The following TLCD4 variants were observed in gnomAD, a reference collection of about 807,000 sequenced individuals.
The protein encoded by TLCD4 is TLC domain-containing protein 4.
In TLCD4, 7 loss-of-function variants were observed where a neutral mutation model predicts 24.2. The observed-to-expected ratio is 0.29, with a 90% CI of 0.16 to 0.54. The LOEUF is 0.54. Among genes scored for constraint, TLCD4 ranks in the 20% least tolerant of loss-of-function variants. The pLI is 0.95. For missense variants in TLCD4, 259 were observed against 313.9 expected (o/e 0.82, Z 1.32); for synonymous variants, 103 against 106.4 (o/e 0.97, Z 0.20).
intron 1 of TLCD4, among the ~76,000 whole-genome samples, chr1:95,128,907 G>A (rs1258503492): frequency 1.3e-5 from 2 of 152,224 alleles, no homozygotes; most frequent in African/African-American, 4.8e-5. Context: ...TTAGATTAAA[G>A]AAATGTGTAG....
At position 95,128,219 on chromosome 1, in the gene TLCD4, T is replaced by A. The variant is rs149608102; in HGVS notation, c.-12+10602T>A. 1.6e-4 allele frequency among the ~76,000 whole-genome samples: 25 copies of A among 152,180 alleles called. No individual in the cohort carries two copies. The East Asian group carries it at 4.8e-3, about 29-fold the overall frequency. ...CCTAAGGGTAGAATTCTTCAATAAG[T>A]TTGGAGTTGAGAAGCAGAGGAGCTG... On this transcript the variant is annotated intron_variant, in intron 1 of 6. Transcript: ENST00000370203.
chr1:95,110,147 A>G, the TLCD4 span, among the ~76,000 whole-genome samples: 3 of 151,076 alleles, frequency 2.0e-5, no homozygotes, highest in African/African-American at 7.3e-5. Context: ...ATTTCACTTG[A>G]TTTATAGGTA....
At chr1:95,168,504 T>A (rs918901236) in intron 5 of TLCD4, among the ~76,000 whole-genome samples, 2 of 151,586 alleles carry the variant, frequency 1.3e-5, no homozygotes, top group Non-Finnish European at 1.5e-5. Context: ...TTTATGAGAT[T>A]AAAATCTGGA....
chr1:95,180,717 A>T (rs1233050856), intron 6 of TLCD4, among the ~76,000 whole-genome samples: 2 of 152,182 alleles, frequency 1.3e-5, no homozygotes, highest in Non-Finnish European at 2.9e-5. Context: ...GTTTTTGAGG[A>T]CATATTTTAT....
chr1:95,124,831 G>T (rs11165314), intron 1 of TLCD4, among the ~76,000 whole-genome samples: 11,095 of 148,054 alleles, frequency 0.075, 555 homozygotes, highest in East Asian at 0.21. Flanking sequence ...TATAGCACTG[G>T]CTGGGCAAAA....
intron 1 of TLCD4, among the ~76,000 whole-genome samples, chr1:95,118,404 T>C (rs1309054825): frequency 6.6e-6 from 1 of 152,192 alleles, no homozygotes; most frequent in Non-Finnish European, 1.5e-5. Flanking sequence ...TGCTGGTCTG[T>C]ATATTTTTAA....
chr1:95,110,824 C>G, the TLCD4 span, among the ~76,000 whole-genome samples: 1 of 143,280 alleles, frequency 7.0e-6, no homozygotes, highest in African/African-American at 2.6e-5. Flanking sequence ...CCCATGCACT[C>G]TAGCCTGGGC....
At chr1:95,125,199 G>GT (rs1330114610) in intron 1 of TLCD4, among the ~76,000 whole-genome samples, 6 of 152,094 alleles carry the variant, frequency 3.9e-5, no homozygotes, top group South Asian at 2.1e-4. Context: ...CCAAGCTTAG[G>GT]TTTTTTTTAT....
chr1:95,160,412 A>C (rs1312982203), intron 5 of TLCD4, among the ~76,000 whole-genome samples: 1 of 152,196 alleles, frequency 6.6e-6, no homozygotes, highest in Non-Finnish European at 1.5e-5. Flanking sequence ...TTGGGCTGAG[A>C]CGATGGGGTT....
At chr1:95,136,674 T>G (rs1208421094) in intron 1 of TLCD4, among the ~76,000 whole-genome samples, 2 of 152,222 alleles carry the variant, frequency 1.3e-5, no homozygotes, top group East Asian at 3.9e-4. Context: ...TAGCCACTTT[T>G]TTTGGTATTT....
At chr1:95,103,648 A>G in the TLCD4 span, among the ~76,000 whole-genome samples, 1 of 152,214 alleles carries the variant, frequency 6.6e-6, no homozygotes, top group Non-Finnish European at 1.5e-5. Flanking sequence ...AGGAGACATG[A>G]TTTTGAATTT....
At chr1:95,126,055 T>G (rs1272994477) in intron 1 of TLCD4, among the ~76,000 whole-genome samples, 53 of 123,352 alleles carry the variant, frequency 4.3e-4, no homozygotes, top group South Asian at 1.3e-3. Flanking sequence ...ACTTTGGGAG[T>G]CTGAGGCAGG....
chr1:95,131,775 A>G (rs1007726344), intron 1 of TLCD4, among the ~76,000 whole-genome samples: 1 of 152,198 alleles, frequency 6.6e-6, no homozygotes. Context: ...TCAGATCTGA[A>G]TGTATGGTGC....
intron 4 of TLCD4, 107 bp from the exon 5 acceptor site, chr1:95,151,218 G>A: frequency 9.1e-7 from 1 of 1,101,718 alleles, no homozygotes; most frequent in Non-Finnish European, 1.3e-6. Context: ...AGTGCTGTGG[G>A]CTCAGAGTGG....
intron 6 of TLCD4, among the ~76,000 whole-genome samples, chr1:95,181,767 A>ACGCCACCACGCCCGGC (rs1326002001): frequency 1.3e-5 from 2 of 151,362 alleles, no homozygotes; most frequent in Non-Finnish European, 2.9e-5. Context: ...TGGGATTACT[A>ACGCCACCACGCCCGGC]TGCCACCACG....
chr1:95,179,973 T>C (rs760283469), intron 6 of TLCD4, among the ~76,000 whole-genome samples: 2 of 152,274 alleles, frequency 1.3e-5, no homozygotes, highest in Non-Finnish European at 2.9e-5. Flanking sequence ...TATATTACTA[T>C]ACTTAATGTA....
Position 95,191,496 on chromosome 1 carries a change from G to T in TLCD4, c.474-54G>T, listed in dbSNP as rs192989185. 5.0e-4 allele frequency: 774 copies of T among 1,537,032 alleles called. 5 individuals carry two copies. In the Middle Eastern group the frequency reaches 5.6e-3, roughly 11 times the overall value. ...AAATTTAAAAACTAAAATAAAAATG[G>T]TTAATCCTCAGAGATGCACTATAAA... On this transcript the variant is annotated intron_variant, in intron 6 of 6. Transcript: ENST00000370203.
intron 1 of TLCD4, among the ~76,000 whole-genome samples, chr1:95,121,563 C>T (rs762107769): frequency 1.1e-4 from 16 of 152,200 alleles, no homozygotes; most frequent in Admixed American, 3.9e-4. Context: ...TTCCGCCTCC[C>T]GGCTTCAAGT....
intron 6 of TLCD4, among the ~76,000 whole-genome samples, chr1:95,185,956 T>C (rs542635276): frequency 6.6e-6 from 1 of 152,252 alleles, no homozygotes; most frequent in African/African-American, 2.4e-5. Context: ...AGGAAGGGAA[T>C]TGACTTGAAT....
Sources: allele counts gnomAD v4.1 joint callset (sites outside exome capture counted in the v4.1 genomes callset), GRCh38; gene constraint gnomAD v4.1.1; transcripts MANE v1.5; gene names NCBI Gene and HGNC (gene_info 2026-07-23, HGNC 2026-07-21).